CACNB4: variants seen among roughly 807,000 people sequenced by gnomAD.
The protein encoded by CACNB4 is voltage-dependent L-type calcium channel subunit beta-4.
Under a neutral mutation model 71.2 loss-of-function variants are expected in CACNB4, and 32 were observed. The ratio of observed to expected loss-of-function variants is 0.45; its 90% CI spans 0.34 to 0.60. The LOEUF is 0.60. CACNB4 is among the 20% of genes least tolerant of loss of function. The probability of loss-of-function intolerance (pLI) is 0.01; values close to 1 mark genes in which losing one functional copy is unlikely to be tolerated. For missense variants in CACNB4, 464 were observed against 647.9 expected (o/e 0.72, Z 3.08); for synonymous variants, 231 against 236.9 (o/e 0.97, Z 0.23).
intron 2 of CACNB4, among the ~76,000 whole-genome samples, chr2:152,015,638 C>G (rs1271177392): frequency 6.6e-6 from 1 of 152,220 alleles, no homozygotes; most frequent in Non-Finnish European, 1.5e-5. Flanking sequence ...ATTTAAGAGT[C>G]AGTAGTTGCT....
intron 2 of CACNB4, among the ~76,000 whole-genome samples, chr2:152,054,977 T>A (rs1367400935): frequency 6.6e-6 from 1 of 152,178 alleles, no homozygotes; most frequent in Non-Finnish European, 1.5e-5. Flanking sequence ...TTATCAGATA[T>A]AAGATTTGCA....
At chr2:152,073,285 T>C (rs1170531695) in intron 2 of CACNB4, among the ~76,000 whole-genome samples, 1 of 152,136 alleles carries the variant, frequency 6.6e-6, no homozygotes, top group Admixed American at 6.5e-5. Flanking sequence ...AGGGAGCCAG[T>C]CGAGAAGGAA....
chr2:151,857,741 C>A (rs896954358), intron 10 of CACNB4: 1 of 152,142 alleles, frequency 6.6e-6, no homozygotes, highest in Admixed American at 6.5e-5. Flanking sequence ...ACTGGACTGC[C>A]CTGGTACAAA....
At chr2:151,874,003 C>T (rs2099845286) in intron 5 of CACNB4, 1 of 152,356 alleles carries the variant, frequency 6.6e-6, no homozygotes. Flanking sequence ...GGCACCTCCC[C>T]GTCTCTTCCT....
chr2:152,028,375 C>T (rs1684091365), intron 2 of CACNB4, among the ~76,000 whole-genome samples: 3 of 152,120 alleles, frequency 2.0e-5, no homozygotes, highest in African/African-American at 7.2e-5. Flanking sequence ...ACATGTGCCC[C>T]GAATGAGTCA....
At chr2:152,087,890 A>G (rs901852667) in intron 2 of CACNB4, among the ~76,000 whole-genome samples, 1 of 152,124 alleles carries the variant, frequency 6.6e-6, no homozygotes, top group African/African-American at 2.4e-5. Flanking sequence ...GTCTAAAAAA[A>G]GAAAGAGACA....
chr2:151,926,735 A>T (rs547177638), intron 2 of CACNB4, among the ~76,000 whole-genome samples: 1 of 152,304 alleles, frequency 6.6e-6, no homozygotes, highest in African/African-American at 2.4e-5. Flanking sequence ...GCTCATTACT[A>T]TTTCAAATTT....
chr2:152,020,092 T>G (rs545224187), intron 2 of CACNB4, among the ~76,000 whole-genome samples: 2 of 152,236 alleles, frequency 1.3e-5, no homozygotes. Context: ...CCCAAATCAA[T>G]GTCTCTGGAA....
chr2:151,979,550 C>A (rs2099874372), intron 2 of CACNB4, among the ~76,000 whole-genome samples: 1 of 151,988 alleles, frequency 6.6e-6, no homozygotes, highest in Admixed American at 6.6e-5. Flanking sequence ...TTCCACTATT[C>A]TCCAAAATGA....
At chr2:152,089,348 AG>A (rs1687842944) in intron 2 of CACNB4, among the ~76,000 whole-genome samples, 1 of 152,198 alleles carries the variant, frequency 6.6e-6, no homozygotes, top group South Asian at 2.1e-4. Flanking sequence ...GGTATAGCAG[AG>A]TGTGTTCCCA....
intron 2 of CACNB4, among the ~76,000 whole-genome samples, chr2:152,085,201 C>A (rs981426718): frequency 5.3e-5 from 8 of 152,006 alleles, no homozygotes; most frequent in Admixed American, 2.0e-4. Flanking sequence ...GTACCTGCGG[C>A]CGCCATGCAA....
At chr2:151,888,413 A>T (rs151122180) in intron 2 of CACNB4, among the ~76,000 whole-genome samples, 410 of 151,768 alleles carry the variant, frequency 2.7e-3, no homozygotes, top group African/African-American at 6.1e-3. Flanking sequence ...AATAAATTTT[A>T]AAAAAAAATT....
chr2:152,030,701 G>T lies in CACNB4; in HGVS notation c.147+67629C>A, dbSNP rs147705620. Among the ~76,000 whole-genome samples, 268 of 152,252 alleles carry T rather than the reference G, an allele frequency of 1.8e-3. 1 individual carries two copies. The highest frequency in any genetic ancestry group is 6.2e-3 in the African/African-American group (258 of 41,546). ...CTATGAGTGAGAACATGCAGTGTTT[G>T]GTTTTCTGTCCCTGCAATAGTTTGC... On this transcript the variant is annotated intron_variant, in intron 2 of 13. Transcript: ENST00000539935.
intron 2 of CACNB4, among the ~76,000 whole-genome samples, chr2:152,091,379 A>G (rs1248390422): frequency 6.6e-6 from 1 of 152,240 alleles, no homozygotes; most frequent in Non-Finnish European, 1.5e-5. Context: ...CCAACTTTGC[A>G]GATGAAAATG....
At chr2:152,031,601 G>A (rs553400809) in intron 2 of CACNB4, among the ~76,000 whole-genome samples, 27 of 152,200 alleles carry the variant, frequency 1.8e-4, no homozygotes, top group African/African-American at 6.0e-4. Context: ...GGCAGAGGAG[G>A]ATCCACAGAT....
chr2:151,960,259 A>G (rs972801590), intron 2 of CACNB4, among the ~76,000 whole-genome samples: 1 of 152,144 alleles, frequency 6.6e-6, no homozygotes, highest in Non-Finnish European at 1.5e-5. Flanking sequence ...TGAACCTTAG[A>G]ATCTTATCAA....
intron 2 of CACNB4, among the ~76,000 whole-genome samples, chr2:152,052,272 A>C (rs1685475200): frequency 6.6e-6 from 1 of 152,242 alleles, no homozygotes; most frequent in Admixed American, 6.5e-5. Context: ...TGAATACTGT[A>C]CTAAAAGTGA....
At chr2:152,062,432 G>A (rs994642341) in intron 2 of CACNB4, among the ~76,000 whole-genome samples, 7 of 152,150 alleles carry the variant, frequency 4.6e-5, no homozygotes, top group African/African-American at 1.4e-4. Context: ...TCTATGTACT[G>A]TGTCAGTTGC....
At chr2:152,012,681 TATA>T (rs1424842590) in intron 2 of CACNB4, among the ~76,000 whole-genome samples, 5 of 151,288 alleles carry the variant, frequency 3.3e-5, no homozygotes, top group African/African-American at 1.2e-4. Flanking sequence ...TACACAGAAG[TATA>T]ATGTGTTTGT....
Sources: allele counts gnomAD v4.1 joint callset (sites outside exome capture counted in the v4.1 genomes callset), GRCh38; gene constraint gnomAD v4.1.1; transcripts MANE v1.5; gene names NCBI Gene and HGNC (gene_info 2026-07-23, HGNC 2026-07-21).